PAPPA: variants seen among roughly 807,000 people sequenced by gnomAD.
The protein encoded by PAPPA is pappalysin 1, also known as pappalysin-1.
In PAPPA, 60 loss-of-function variants were observed where a neutral mutation model predicts 164.0. The ratio of observed to expected loss-of-function variants is 0.37; its 90% CI spans 0.30 to 0.45. The LOEUF (loss-of-function observed/expected upper bound fraction) is 0.45, where lower values mean the gene tolerates loss of function less well. PAPPA is among the 20% of genes least tolerant of loss of function. The pLI, the probability that PAPPA is intolerant of heterozygous loss-of-function variation, is 1.00. For synonymous variants in PAPPA, 875 were observed against 814.1 expected (o/e 1.07, Z -1.27); for missense variants, 1,782 against 2,087.3 (o/e 0.85, Z 2.85).
At chr9:116,281,569 C>A (rs1845267695) in intron 9 of PAPPA, among the ~76,000 whole-genome samples, 1 of 152,122 alleles carries the variant, frequency 6.6e-6, no homozygotes. Flanking sequence ...GTTTAGGCAG[C>A]ATCCAGGATC....
intron 1 of PAPPA, among the ~76,000 whole-genome samples, chr9:116,162,698 C>A (rs78340316): frequency 0.017 from 2,532 of 152,270 alleles, 76 homozygotes; most frequent in African/African-American, 0.059. Context: ...GTAATGGAAT[C>A]TAGACCATGC....
chr9:116,357,770 G>A (rs1052557434), intron 17 of PAPPA, among the ~76,000 whole-genome samples: 4 of 152,202 alleles, frequency 2.6e-5, no homozygotes, highest in Non-Finnish European at 4.4e-5. Context: ...CCAGTCTTGG[G>A]ATGGGGACGG....
At chr9:116,353,998 T>C (rs1352549781) in intron 17 of PAPPA, among the ~76,000 whole-genome samples, 5 of 152,180 alleles carry the variant, frequency 3.3e-5, no homozygotes, top group Non-Finnish European at 1.5e-5. Flanking sequence ...AAGGAAATCA[T>C]ACATGGAATC....
intron 21 of PAPPA, among the ~76,000 whole-genome samples, chr9:116,389,916 A>C (rs1165098256): frequency 6.6e-6 from 1 of 152,122 alleles, no homozygotes; most frequent in African/African-American, 2.4e-5. Context: ...TTGATGCTAG[A>C]ATGCAGAATT....
intron 21 of PAPPA, among the ~76,000 whole-genome samples, chr9:116,385,258 TAAATAAATAAATAAATA>T (rs1204294097): frequency 6.8e-6 from 1 of 148,054 alleles, no homozygotes; most frequent in Non-Finnish European, 1.5e-5. Flanking sequence ...AATAAATAAA[TAAATAAATAAATAAATA>T]AATAAATAAT....
At chr9:116,221,956 A>G (rs1844452166) in intron 5 of PAPPA, among the ~76,000 whole-genome samples, 1 of 152,216 alleles carries the variant, frequency 6.6e-6, no homozygotes, top group Admixed American at 6.5e-5. Flanking sequence ...TATTACCAAA[A>G]GGAGGAAAGA....
intron 7 of PAPPA, among the ~76,000 whole-genome samples, chr9:116,249,319 G>T (rs1003682097): frequency 1.3e-5 from 2 of 152,208 alleles, no homozygotes; most frequent in Non-Finnish European, 2.9e-5. Context: ...GGGAAGGAAA[G>T]TGAGACTGCT....
intron 2 of PAPPA, among the ~76,000 whole-genome samples, chr9:116,203,101 G>A (rs557075646): frequency 6.6e-6 from 1 of 152,272 alleles, no homozygotes; most frequent in East Asian, 1.9e-4. Flanking sequence ...AATGGAGGCT[G>A]CCATCCTTCC....
intron 21 of PAPPA, among the ~76,000 whole-genome samples, chr9:116,394,099 G>A (rs1180683656): frequency 6.6e-6 from 1 of 152,144 alleles, no homozygotes; most frequent in African/African-American, 2.4e-5. Flanking sequence ...TAACTGGATC[G>A]TGCTAATGAT....
In PAPPA at chr9:116,211,951, T is replaced by C; in HGVS notation, c.1918+19T>C. The stretch of plus-strand genomic sequence containing the variant: ...TATGCAGGTAGGGCCCTACACTCTG[T>C]AGGGTGAACAGGTCTGGATGTCAGA... On this transcript the variant is annotated intron_variant, in intron 4 of 21. Coordinates refer to ENST00000328252, the MANE Select transcript of PAPPA (RefSeq NM_002581.5). 1.2e-6 allele frequency: 2 copies of C among 1,606,726 alleles called. No individual in the cohort carries two copies. Among genetic ancestry groups the C allele is most frequent in the South Asian group, 2.2e-5 (2 of 90,714 alleles).
At chr9:116,175,268 T>C (rs992007384) in intron 1 of PAPPA, among the ~76,000 whole-genome samples, 2 of 152,174 alleles carry the variant, frequency 1.3e-5, no homozygotes, top group African/African-American at 2.4e-5. Context: ...GTTTGAAAAC[T>C]GGATACACAA....
intron 1 of PAPPA, among the ~76,000 whole-genome samples, chr9:116,172,183 T>C (rs961319106): frequency 1.4e-4 from 22 of 152,174 alleles, no homozygotes; most frequent in African/African-American, 4.8e-4. Flanking sequence ...AGATGAGGAA[T>C]GTTAAGTGAA....
intron 10 of PAPPA, among the ~76,000 whole-genome samples, chr9:116,303,472 T>G (rs747046616): frequency 6.6e-5 from 10 of 152,192 alleles, no homozygotes; most frequent in Admixed American, 3.9e-4. Context: ...AGTCCCCTAA[T>G]GCACTATTTA....
At chr9:116,189,338 T>A (rs375931859) in intron 2 of PAPPA, among the ~76,000 whole-genome samples, 1 of 152,242 alleles carries the variant, frequency 6.6e-6, no homozygotes, top group Non-Finnish European at 1.5e-5. Context: ...TTTATTTCAC[T>A]ATAATAAACT....
At chr9:116,260,697 T>C (rs1213044220) in intron 7 of PAPPA, among the ~76,000 whole-genome samples, 1 of 152,120 alleles carries the variant, frequency 6.6e-6, no homozygotes, top group Non-Finnish European at 1.5e-5. Context: ...GACCCATGGA[T>C]TGCAGAACTA....
chr9:116,261,588 A>C (rs7847346), intron 7 of PAPPA, among the ~76,000 whole-genome samples: 53,830 of 151,974 alleles, frequency 0.35, 9,778 homozygotes, highest in Middle Eastern at 0.43. Flanking sequence ...CATACCAATA[A>C]ACTTTAATTT....
intron 9 of PAPPA, among the ~76,000 whole-genome samples, chr9:116,284,746 T>G (rs1845311785): frequency 6.6e-6 from 1 of 152,036 alleles, no homozygotes; most frequent in Non-Finnish European, 1.5e-5. Flanking sequence ...TTGGGAAACA[T>G]CCATAACTCT....
intron 9 of PAPPA, among the ~76,000 whole-genome samples, chr9:116,275,896 C>A (rs1173477047): frequency 1.3e-5 from 2 of 152,170 alleles, no homozygotes; most frequent in African/African-American, 4.8e-5. Flanking sequence ...TTATGCAACA[C>A]CCTGGGGACT....
At chr9:116,326,508 C>A (rs1845922000) in intron 10 of PAPPA, among the ~76,000 whole-genome samples, 1 of 152,126 alleles carries the variant, frequency 6.6e-6, no homozygotes, top group Non-Finnish European at 1.5e-5. Context: ...GAGTCAAATA[C>A]ATTCAGGCCA....
Sources: allele counts gnomAD v4.1 joint callset (sites outside exome capture counted in the v4.1 genomes callset), GRCh38; gene constraint gnomAD v4.1.1; transcripts MANE v1.5; gene names NCBI Gene and HGNC (gene_info 2026-07-23, HGNC 2026-07-21).